Variants in SUCLG2 observed in about 807,000 individuals in gnomAD.
The protein encoded by SUCLG2 is succinate-CoA ligase GDP-forming subunit beta, also known as succinate--CoA ligase [GDP-forming] subunit beta, mitochondrial.
SUCLG2 carries 42 observed loss-of-function variants against 47.9 expected under a neutral mutation model. The observed-to-expected ratio is 0.88, with a 90% CI of 0.69 to 1.14. SUCLG2 has a LOEUF of 1.14. Among genes scored for constraint, SUCLG2 ranks in the 50% most tolerant of loss-of-function variants. The pLI is 0.00. For missense variants in SUCLG2, 571 were observed against 525.9 expected (o/e 1.09, Z -0.84); for synonymous variants, 195 against 197.3 (o/e 0.99, Z 0.10).
intron 1 of SUCLG2, among the ~76,000 whole-genome samples, chr3:67,634,187 T>C (rs929322736): frequency 6.6e-6 from 1 of 152,172 alleles, no homozygotes; most frequent in Non-Finnish European, 1.5e-5. Context: ...GCTCAGTGTC[T>C]TGTAAAAAGC....
At chr3:67,492,892 A>C (rs766092828) in intron 9 of SUCLG2, among the ~76,000 whole-genome samples, 7 of 152,232 alleles carry the variant, frequency 4.6e-5, no homozygotes, top group Non-Finnish European at 1.0e-4. Context: ...TCATGAGTGG[A>C]AATATATGTC....
At chr3:67,533,384 C>T (rs1221702181) in intron 2 of SUCLG2, among the ~76,000 whole-genome samples, 1 of 152,150 alleles carries the variant, frequency 6.6e-6, no homozygotes, top group African/African-American at 2.4e-5. Flanking sequence ...CTTGCAGAAA[C>T]TGATTTCTGT....
chr3:67,548,176 T>C (rs965090359), intron 2 of SUCLG2, among the ~76,000 whole-genome samples: 1 of 152,214 alleles, frequency 6.6e-6, no homozygotes, highest in Non-Finnish European at 1.5e-5. Flanking sequence ...CCTGGAGTCA[T>C]ACAGCTAGGA....
chr3:67,431,232 G>A (rs952873109), intron 9 of SUCLG2, among the ~76,000 whole-genome samples: 8 of 152,154 alleles, frequency 5.3e-5, no homozygotes, highest in Admixed American at 2.0e-4. Flanking sequence ...GAATCCAGCA[G>A]CACATCAAAA....
intron 9 of SUCLG2, among the ~76,000 whole-genome samples, chr3:67,433,302 A>C (rs1250179905): frequency 6.6e-6 from 1 of 152,168 alleles, no homozygotes. Flanking sequence ...ATTTAGCTGG[A>C]ATGTTACTTC....
chr3:67,395,537 C>T (rs1702504332), intron 10 of SUCLG2, among the ~76,000 whole-genome samples: 1 of 152,114 alleles, frequency 6.6e-6, no homozygotes. Context: ...TCCTGAGGGA[C>T]CTACAAAGAG....
downstream of SUCLG2, among the ~76,000 whole-genome samples, chr3:67,373,101 T>C (rs1449400698): frequency 6.6e-6 from 1 of 152,208 alleles, no homozygotes; most frequent in Non-Finnish European, 1.5e-5. Flanking sequence ...TTCCCCACTA[T>C]GATATATATT....
chr3:67,646,382 G>C (rs1236215965), intron 1 of SUCLG2, among the ~76,000 whole-genome samples: 1 of 152,164 alleles, frequency 6.6e-6, no homozygotes, highest in East Asian at 1.9e-4. Flanking sequence ...ACCACCTGAG[G>C]TCAGGAGTTG....
intron 2 of SUCLG2, among the ~76,000 whole-genome samples, chr3:67,550,456 C>T (rs965720483): frequency 2.6e-5 from 4 of 152,172 alleles, no homozygotes; most frequent in African/African-American, 7.2e-5. Context: ...CCTCCCTCAG[C>T]CTCCCAAGTA....
intron 2 of SUCLG2, among the ~76,000 whole-genome samples, chr3:67,584,824 G>A (rs1036193367): frequency 7.9e-5 from 12 of 152,102 alleles, no homozygotes; most frequent in African/African-American, 2.9e-4. Flanking sequence ...AGCAGGAAGA[G>A]CCCCTTATAA....
At chr3:67,461,597 C>T (rs912707216) in intron 9 of SUCLG2, among the ~76,000 whole-genome samples, 1 of 151,280 alleles carries the variant, frequency 6.6e-6, no homozygotes, top group African/African-American at 2.4e-5. Flanking sequence ...TCTAGGGGTC[C>T]CCAACCTGGA....
intron 9 of SUCLG2, among the ~76,000 whole-genome samples, chr3:67,461,392 A>G (rs569046592): frequency 6.6e-6 from 1 of 152,300 alleles, no homozygotes; most frequent in South Asian, 2.1e-4. Flanking sequence ...AAGTAAAAAC[A>G]TAAAATGTAA....
chr3:67,570,725 C>G (rs1377033756), intron 2 of SUCLG2, among the ~76,000 whole-genome samples: 2 of 152,166 alleles, frequency 1.3e-5, no homozygotes, highest in African/African-American at 4.8e-5. Context: ...ACATTAACGA[C>G]AGGAGGGTAA....
chr3:67,432,794 T>C (rs1050350899), intron 9 of SUCLG2, among the ~76,000 whole-genome samples: 3 of 152,206 alleles, frequency 2.0e-5, no homozygotes, highest in African/African-American at 7.2e-5. Context: ...ATAATCACAT[T>C]GTATGACTCG....
intron 9 of SUCLG2, among the ~76,000 whole-genome samples, chr3:67,434,610 T>C (rs567001459): frequency 6.6e-6 from 1 of 152,268 alleles, no homozygotes; most frequent in East Asian, 1.9e-4. Context: ...GGTGTTAAAA[T>C]TATTTCTCAA....
At chr3:67,597,152 G>A (rs1708311663) in intron 2 of SUCLG2, among the ~76,000 whole-genome samples, 1 of 152,196 alleles carries the variant, frequency 6.6e-6, no homozygotes, top group Non-Finnish European at 1.5e-5. Flanking sequence ...TGTGGCATCA[G>A]ACAGGAGGAT....
At chr3:67,394,264 A>C (rs1702468538) in intron 10 of SUCLG2, among the ~76,000 whole-genome samples, 1 of 152,096 alleles carries the variant, frequency 6.6e-6, no homozygotes, top group South Asian at 2.1e-4. Flanking sequence ...AAAGAAGTTA[A>C]AAACTTTGAA....
chr3:67,454,367 C>CT lies in SUCLG2; in HGVS notation c.1062+41430dup, dbSNP rs554330530. 4.6e-5 allele frequency among the ~76,000 whole-genome samples: 7 copies of CT among 150,734 alleles called. No individual in the cohort carries two copies. In the Admixed American group the frequency reaches 4.7e-4, roughly 10 times the overall value. On this transcript the variant is annotated intron_variant, in intron 9 of 10. Coordinates refer to ENST00000307227, the MANE Select transcript of SUCLG2 (RefSeq NM_003848.4). ...TCGCACTGGTGGTTACAAGGCAATA[C>CT]TTTTTTACCTTTCAAACTAAGAAAA...
At chr3:67,378,657 C>T (rs184380429) in intron 10 of SUCLG2, among the ~76,000 whole-genome samples, 1 of 152,212 alleles carries the variant, frequency 6.6e-6, no homozygotes, top group Non-Finnish European at 1.5e-5. Flanking sequence ...AGATTCCTGA[C>T]CACAGAAACT....
Sources: gnomAD v4.1 joint callset for allele counts (sites outside exome capture counted in the v4.1 genomes callset) on GRCh38, gnomAD v4.1.1 for gene constraint, MANE v1.5 for transcripts, NCBI Gene and HGNC (gene_info 2026-07-23, HGNC 2026-07-21) for gene names.